The following CACNG3 variants were observed in gnomAD, a reference collection of about 807,000 sequenced individuals.
CACNG3 encodes voltage-dependent calcium channel gamma-3 subunit.
Under a neutral mutation model 28.5 loss-of-function variants are expected in CACNG3, and 3 were observed. That is an observed-to-expected ratio of 0.11 (90% CI 0.05 to 0.27). The LOEUF is 0.27. Among genes scored for constraint, CACNG3 ranks in the 10% least tolerant of loss-of-function variants. CACNG3 has a pLI of 1.00. For missense variants in CACNG3, 236 were observed against 414.4 expected, an observed-to-expected ratio of 0.57 and a Z score of 3.74; for synonymous variants, 174 against 162.2, an observed-to-expected ratio of 1.07 and a Z score of -0.55.
intron 1 of CACNG3, among the ~76,000 whole-genome samples, chr16:24,314,158 G>T (rs1409621865): frequency 6.6e-6 from 1 of 152,154 alleles, no homozygotes; most frequent in East Asian, 1.9e-4. Flanking sequence ...TTTCCTCAAG[G>T]TATGCTTGTC....
chr16:24,311,240 G>T (rs1053707071), intron 1 of CACNG3, among the ~76,000 whole-genome samples: 1 of 152,220 alleles, frequency 6.6e-6, no homozygotes, highest in Admixed American at 6.5e-5. Flanking sequence ...ACCAAGTGCG[G>T]TGGCTCACGC....
chr16:24,357,058 A>C (rs1900042040), intron 3 of CACNG3, among the ~76,000 whole-genome samples: 1 of 152,042 alleles, frequency 6.6e-6, no homozygotes, highest in Non-Finnish European at 1.5e-5. Flanking sequence ...AACGTGGTGA[A>C]ACCTGTCTCT....
intron 1 of CACNG3, among the ~76,000 whole-genome samples, chr16:24,267,213 G>A (rs1235981313): frequency 1.3e-5 from 2 of 152,056 alleles, no homozygotes; most frequent in Admixed American, 6.5e-5. Context: ...TGATCCGCCC[G>A]CCTTGGCCTC....
intron 3 of CACNG3, among the ~76,000 whole-genome samples, chr16:24,357,744 C>T (rs1900051612): frequency 6.6e-6 from 1 of 152,196 alleles, no homozygotes; most frequent in African/African-American, 2.4e-5. Flanking sequence ...TCACTGGTGG[C>T]CCCATCCAGA....
chr16:24,347,669 C>A (rs986941034), intron 2 of CACNG3, among the ~76,000 whole-genome samples: 4 of 152,142 alleles, frequency 2.6e-5, no homozygotes, highest in African/African-American at 9.7e-5. Context: ...TGGGACAGAG[C>A]CAATGTCTCT....
At chr16:24,314,941 T>C (rs1174911896) in intron 1 of CACNG3, among the ~76,000 whole-genome samples, 1 of 152,106 alleles carries the variant, frequency 6.6e-6, no homozygotes, top group Non-Finnish European at 1.5e-5. Context: ...CTTGGGCCAC[T>C]GCATAAAGAA....
chr16:24,293,692 A>C (rs961924963), intron 1 of CACNG3, among the ~76,000 whole-genome samples: 4 of 152,120 alleles, frequency 2.6e-5, no homozygotes, highest in Non-Finnish European at 5.9e-5. Context: ...ATTAACAGTT[A>C]AATAGCCTGA....
intron 1 of CACNG3, among the ~76,000 whole-genome samples, chr16:24,316,405 C>T (rs190563940): frequency 3.9e-5 from 6 of 151,974 alleles, no homozygotes; most frequent in East Asian, 1.9e-4. Flanking sequence ...CCCAAATGTC[C>T]GGCACACTGA....
rs941705093 is a variant in CACNG3 at position 24,291,771 on chromosome 16, A to G, written c.211+34806A>G. Among the ~76,000 whole-genome samples, 17 of 152,158 alleles carry G rather than the reference A, an allele frequency of 1.1e-4. 2 individuals carry two copies. The highest frequency in any genetic ancestry group is 1.1e-3 in the Admixed American group (17 of 15,268). On this transcript the variant is annotated intron_variant, in intron 1 of 3. Coordinates refer to ENST00000005284, the MANE Select transcript of CACNG3 (RefSeq NM_006539.4). ...TTAAAGAAAGGAGAGAGAGAAAATA[A>G]TGGCACCATCCGTGTATGGCTGGGA...
chr16:24,351,413 A>G (rs1899936500), intron 2 of CACNG3, among the ~76,000 whole-genome samples: 1 of 151,836 alleles, frequency 6.6e-6, no homozygotes, highest in East Asian at 1.9e-4. Context: ...CTCAACTAAA[A>G]ATACAAAAAT....
At chr16:24,306,920 G>A (rs1953483281) in intron 1 of CACNG3, among the ~76,000 whole-genome samples, 1 of 152,126 alleles carries the variant, frequency 6.6e-6, no homozygotes, top group Non-Finnish European at 1.5e-5. Flanking sequence ...CGGAGGGCAG[G>A]TGTGGTGGCA....
At chr16:24,320,617 A>C (rs1048367944) in intron 1 of CACNG3, among the ~76,000 whole-genome samples, 6 of 152,198 alleles carry the variant, frequency 3.9e-5, no homozygotes, top group African/African-American at 1.4e-4. Flanking sequence ...GTTAATGAGT[A>C]TTTCACTGTG....
intron 1 of CACNG3, among the ~76,000 whole-genome samples, chr16:24,282,248 C>T (rs1769728358): frequency 6.6e-6 from 1 of 152,140 alleles, no homozygotes; most frequent in Non-Finnish European, 1.5e-5. Flanking sequence ...GGAACAGAGA[C>T]TAGAATCCTA....
At chr16:24,327,455 T>TACAC (rs751581514) in intron 1 of CACNG3, among the ~76,000 whole-genome samples, 11 of 91,384 alleles carry the variant, frequency 1.2e-4, no homozygotes, top group African/African-American at 3.0e-4. Context: ...TATATATATA[T>TACAC]ACACACACAC....
At chr16:24,300,992 G>A (rs1206497241) in intron 1 of CACNG3, among the ~76,000 whole-genome samples, 7 of 148,262 alleles carry the variant, frequency 4.7e-5, no homozygotes, top group Non-Finnish European at 5.9e-5. Flanking sequence ...GCAGTGAGCC[G>A]AGATCATGTC....
intron 2 of CACNG3, among the ~76,000 whole-genome samples, chr16:24,351,965 A>G (rs998533155): frequency 5.4e-5 from 8 of 148,880 alleles, no homozygotes; most frequent in African/African-American, 1.7e-4. Context: ...ACAGGCGCCC[A>G]CCACCACGCC....
chr16:24,257,117 C>A, intron 1 of CACNG3, 152 bp downstream of exon 1: 3 of 627,936 alleles, frequency 4.8e-6, no homozygotes, highest in Non-Finnish European at 8.5e-6. Flanking sequence ...AACAGCAAGA[C>A]TGACGCCATG....
Position 24,362,208 on chromosome 16 carries a change from A to C in CACNG3, c.*345A>C. The C allele has an allele frequency of 5.0e-6, 1 of 198,458 alleles. No homozygotes were observed. Among genetic ancestry groups the C allele is most frequent in the Non-Finnish European group, 1.0e-5 (1 of 97,586 alleles). The allele number at this position is 198,458 out of a possible 1,614,324, so 12.3% of individuals were successfully genotyped here. ...GGTGGTGGCCAGGGGGGATTTCCGA[A>C]TCTCCATCAGGCGCGCTCATAGTTG... On this transcript the variant is annotated 3_prime_UTR_variant, in exon 4 of 4. Transcript: ENST00000005284.
intron 1 of CACNG3, among the ~76,000 whole-genome samples, chr16:24,294,716 A>G (rs746104884): frequency 6.6e-5 from 10 of 152,200 alleles, no homozygotes; most frequent in Non-Finnish European, 1.2e-4. Context: ...AAGATATTTT[A>G]GAAAAAACAT....
Sources: allele counts gnomAD v4.1 joint callset (sites outside exome capture counted in the v4.1 genomes callset), GRCh38; gene constraint gnomAD v4.1.1; transcripts MANE v1.5; gene names NCBI Gene and HGNC (gene_info 2026-07-23, HGNC 2026-07-21).